Variants in NBPF20 observed in about 807,000 individuals in gnomAD.
NBPF20 encodes NBPF family member NBPF20.
NBPF20 carries 90 observed loss-of-function variants against 68.1 expected under a neutral mutation model. The observed-to-expected ratio is 1.32, with a 90% CI of 1.11 to 1.58. The LOEUF (loss-of-function observed/expected upper bound fraction) is 1.58, where lower values mean the gene tolerates loss of function less well. Among genes scored for constraint, NBPF20 ranks in the 40% most tolerant of loss-of-function variants. The probability of loss-of-function intolerance (pLI) is 0.00; values close to 1 mark genes in which losing one functional copy is unlikely to be tolerated. For synonymous variants in NBPF20, 290 were observed against 228.1 expected, an observed-to-expected ratio of 1.27 and a Z score of -2.45; for missense variants, 816 against 601.2, an observed-to-expected ratio of 1.36 and a Z score of -3.74.
intron 7 of NBPF20, among the ~76,000 whole-genome samples, chr1:145,395,673 C>A (rs1553663646): frequency 1.4e-5 from 2 of 143,788 alleles, no homozygotes; most frequent in African/African-American, 5.9e-5. Flanking sequence ...TTAAACACAT[C>A]GGAGAGAATA....
At chr1:145,291,891 A>G in intron 137 of NBPF20, 122 bp from the exon 143 acceptor site, 1 of 1,576,308 alleles carries the variant, frequency 6.3e-7, no homozygotes. Flanking sequence ...TCCATTAATG[A>G]GGTAAAAAAA....
At chr1:145,290,037 A>AAAT (rs1391270505) in exon 138 of NBPF20, 1 of 149,314 alleles carries the variant, frequency 6.7e-6, no homozygotes, top group East Asian at 1.9e-4. Context: ...GTATAGATTA[A>AAAT]AATTAACTTT....
the NBPF20 span, among the ~76,000 whole-genome samples, chr1:145,411,387 C>CTTTTT: frequency 1.7e-4 from 18 of 106,160 alleles, no homozygotes; most frequent in East Asian, 2.6e-4. Flanking sequence ...GTTGACTTTC[C>CTTTTT]TTTTTTTTTT....
At chr1:145,405,984 T>C (rs1662760661), upstream of NBPF20, among the ~76,000 whole-genome samples, 1 of 151,000 alleles carries the variant, frequency 6.6e-6, no homozygotes, top group South Asian at 2.1e-4. Flanking sequence ...AGTGACGCGA[T>C]CTAGGCTCAC....
intron 8 of NBPF20, among the ~76,000 whole-genome samples, chr1:145,394,219 T>C (rs1427711108): frequency 9.9e-5 from 15 of 151,924 alleles, no homozygotes; most frequent in African/African-American, 2.7e-4. Context: ...CCCAATAAAT[T>C]GTAGGCAAAT....
At chr1:145,292,177 G>T (rs587677088) in intron 137 of NBPF20, among the ~76,000 whole-genome samples, 1 of 150,036 alleles carries the variant, frequency 6.7e-6, no homozygotes, top group African/African-American at 2.5e-5. Context: ...TTGAAGTATG[G>T]TCAACCTATG....
intron 8 of NBPF20, among the ~76,000 whole-genome samples, chr1:145,394,454 G>T (rs1454175237): frequency 6.6e-6 from 1 of 152,140 alleles, no homozygotes; most frequent in Non-Finnish European, 1.5e-5. Flanking sequence ...CCAGGAACAT[G>T]ATGGACAGAT....
intron 3 of NBPF20, among the ~76,000 whole-genome samples, chr1:145,402,700 T>C (rs1290302176): frequency 2.7e-5 from 4 of 150,052 alleles, no homozygotes; most frequent in Admixed American, 2.0e-4. Flanking sequence ...GACATTTCCA[T>C]GTGAAAATAC....
intron 137 of NBPF20, among the ~76,000 whole-genome samples, chr1:145,292,079 G>T (rs587680914): frequency 6.7e-6 from 1 of 149,518 alleles, no homozygotes; most frequent in Non-Finnish European, 1.5e-5. Context: ...ATGACACACA[G>T]CAAACTGTGA....
chr1:145,406,543 T>C (rs1420974944), upstream of NBPF20, among the ~76,000 whole-genome samples: 2 of 152,002 alleles, frequency 1.3e-5, no homozygotes, highest in African/African-American at 4.8e-5. Flanking sequence ...TTTGTATTGC[T>C]TTACATTTCT....
At chr1:145,407,789 G>A (rs1430484755), upstream of NBPF20, 6 of 154,140 alleles carry the variant, frequency 3.9e-5, no homozygotes, top group South Asian at 1.7e-4. Flanking sequence ...GCCTCGTGGC[G>A]GACGGGACCT....
At chr1:145,424,369 G>A in the NBPF20 span, among the ~76,000 whole-genome samples, 6 of 152,088 alleles carry the variant, frequency 3.9e-5, no homozygotes, top group East Asian at 7.7e-4. Context: ...CTTAAAGCTA[G>A]CATTTCACAA....
chr1:145,403,925 C>T (rs1341662937), intron 2 of NBPF20, among the ~76,000 whole-genome samples: 3 of 150,922 alleles, frequency 2.0e-5, no homozygotes, highest in African/African-American at 7.3e-5. Flanking sequence ...GAATGAAGAA[C>T]TAATAAATAG....
chr1:145,396,491 AAC>A (rs1456785143), intron 7 of NBPF20, among the ~76,000 whole-genome samples: 1 of 151,048 alleles, frequency 6.6e-6, no homozygotes, highest in East Asian at 2.0e-4. Context: ...AAATTCAGGA[AAC>A]ACAGAGAACA....
chr1:145,292,415 CT>C lies in NBPF20; in HGVS notation c.16662del (p.Glu5555LysfsTer17), dbSNP rs1558961980. Reference sequence around the variant, plus strand: ...GGTGGGTTTTGATCTTCTTCCCCTTCTTTTCTTCCCCTTCTTCTTTTCTTCT... The same window carrying C: ...GGTGGGTTTTGATCTTCTTCCCCTTCTTTCTTCCCCTTCTTCTTTTCTTCT... On this transcript the variant is annotated frameshift_variant, in exon 137 of 138. Transcript: ENST00000369373. LOFTEE classifies it high-confidence loss of function. 9 of 692,220 alleles carry C rather than the reference CT, an allele frequency of 1.3e-5. No individual in the cohort carries two copies. Among genetic ancestry groups the C allele is most frequent in the Non-Finnish European group, 2.3e-5 (9 of 390,370 alleles). The allele number at this position is 692,220 out of a possible 1,614,324, so 42.9% of individuals were successfully genotyped here.
chr1:145,291,670 G>A (rs782051852), exon 138 of NBPF20: 10 of 1,611,834 alleles, frequency 6.2e-6, no homozygotes, highest in Middle Eastern at 2.2e-4. Context: ...GCTGGAATGA[G>A]TCAGGTAGTT....
At chr1:145,292,346 C>A (rs782043373) in intron 137 of NBPF20, 35 bp downstream of exon 142, 23 of 658,874 alleles carry the variant, frequency 3.5e-5, no homozygotes, top group Admixed American at 7.0e-5. Flanking sequence ...CAGGTGTTAA[C>A]ACAGAATTAA....
exon 10 of NBPF20, chr1:145,393,240 G>C (rs1419249616): frequency 4.7e-6 from 3 of 632,856 alleles, no homozygotes; most frequent in African/African-American, 2.1e-5. Context: ...GCAGCTCCCT[G>C]CTGAGCCTGG....
At chr1:145,411,013 AT>A in the NBPF20 span, among the ~76,000 whole-genome samples, 18,713 of 140,366 alleles carry the variant, frequency 0.13, 1,679 homozygotes, top group Non-Finnish European at 0.19. Context: ...TATATATTCC[AT>A]TTTTTTTTCA....
Sources: allele counts gnomAD v4.1 joint callset (sites outside exome capture counted in the v4.1 genomes callset), GRCh38; gene constraint gnomAD v4.1.1; transcripts MANE v1.5; gene names NCBI Gene and HGNC (gene_info 2026-07-23, HGNC 2026-07-21).